The following DEAF1 variants were observed in gnomAD, a reference collection of about 807,000 sequenced individuals.
DEAF1 encodes deformed epidermal autoregulatory factor 1 homolog.
DEAF1 carries 53 observed loss-of-function variants against 58.9 expected under a neutral mutation model. That is an observed-to-expected ratio of 0.90 (90% confidence interval 0.72 to 1.13). The LOEUF (loss-of-function observed/expected upper bound fraction) is 1.13. Among genes scored for constraint, DEAF1 ranks in the 50% most tolerant of loss-of-function variants. The pLI, the probability that DEAF1 is intolerant of heterozygous loss-of-function variation, is 0.00. For missense variants in DEAF1, 685 were observed against 791.4 expected (o/e 0.87, Z 1.61); for synonymous variants, 385 against 340.4 (o/e 1.13, Z -1.44).
rs1428805964 is a variant in DEAF1 at position 688,480 on chromosome 11, C to CGTCAG, written c.388-25_388-21dup. On this transcript the variant is annotated intron_variant, in intron 2 of 11. Coordinates refer to ENST00000382409, the MANE Select transcript of DEAF1 (RefSeq NM_021008.4). This position sits in a 1 kb window ranked among gnomAD's most constrained non-coding sequence, Gnocchi z 4.3. ...ACCAGACTAGAAGGAAAAACCGCTC[C>CGTCAG]GTCAGGTCACGTCCGAGAGTGACAC... 1 of 1,613,110 alleles carries CGTCAG rather than the reference C, an allele frequency of 6.2e-7. No homozygotes were observed. The highest frequency in any genetic ancestry group is 8.5e-7 in the Non-Finnish European group (1 of 1,179,976).
chr11:675,522 C>G (rs1425743607), intron 9 of DEAF1, among the ~76,000 whole-genome samples: 1 of 151,912 alleles, frequency 6.6e-6, no homozygotes, highest in Non-Finnish European at 1.5e-5. Flanking sequence ...TAATGAGACC[C>G]TGTCTCAAAA....
chr11:696,249 C>A (rs936666469), upstream of DEAF1, among the ~76,000 whole-genome samples: 2 of 152,132 alleles, frequency 1.3e-5, no homozygotes, highest in African/African-American at 4.8e-5. Context: ...AGAGACTCGC[C>A]TCCGAGAGGA....
At position 656,800 on chromosome 11, in the gene DEAF1, C is replaced by T. The variant is rs921466394; in HGVS notation, c.1504-2749G>A. On this transcript the variant is annotated intron_variant, in intron 10 of 11. Coordinates refer to ENST00000382409, the MANE Select transcript of DEAF1 (RefSeq NM_021008.4). ...GAAGCCTGTCCTGTTGCCTCGCAGG[C>T]GCCTCTTCAGCCTCAGCTGGGACTT... Among the ~76,000 whole-genome samples, 8 of 152,216 alleles carry T rather than the reference C, an allele frequency of 5.3e-5. No individual in the cohort carries two copies. In the South Asian group the frequency reaches 6.2e-4, roughly 12 times the overall value.
intron 1 of DEAF1, among the ~76,000 whole-genome samples, chr11:691,923 G>A (rs143017088): frequency 8.5e-5 from 13 of 152,160 alleles, no homozygotes; most frequent in South Asian, 4.2e-4. Context: ...CTCCTTCTGC[G>A]GCACAGCTGT....
At position 694,869 on chromosome 11, in the gene DEAF1, G is replaced by A; in HGVS notation, c.179C>T (p.Thr60Met). 1.3e-6 allele frequency: 2 copies of A among 1,500,726 alleles called. No homozygotes were observed. Among genetic ancestry groups the A allele is most frequent in the Non-Finnish European group, 1.8e-6 (2 of 1,129,942 alleles). The allele number at this position is 1,500,726 out of a possible 1,614,324, so 93.0% of individuals were successfully genotyped here. Residue 60 changes from threonine (T) to methionine (M), a missense_variant, in exon 1 of 12, where the codon ACG becomes ATG. Physicochemically the swap from Thr to Met is moderately conservative, Grantham distance 81 (BLOSUM62 -1). Around this residue, in one of 3 missense-constraint regions of DEAF1, gnomAD observed 210 missense variants for 177.3 expected, o/e 1.18. Transcript: ENST00000382409. Reference sequence around the variant, plus strand: ...CACCGCCACTGCCGTGACCCGCGGCGTCTCCCGCTCCGCCTCCGAGTCTGC... The same window carrying A: ...CACCGCCACTGCCGTGACCCGCGGCATCTCCCGCTCCGCCTCCGAGTCTGC... ...EDADSEAERE[T>M]PRVTAVAVMA...
At chr11:672,912 G>A (rs1030853474) in intron 10 of DEAF1, among the ~76,000 whole-genome samples, 1 of 151,710 alleles carries the variant, frequency 6.6e-6, no homozygotes. Context: ...ACTTTAAGAC[G>A]CTCAGGCGGG....
intron 11 of DEAF1, among the ~76,000 whole-genome samples, chr11:650,003 C>T (rs548832395): frequency 4.6e-5 from 7 of 151,058 alleles, no homozygotes; most frequent in East Asian, 2.0e-4. Context: ...TCCAGCCTGG[C>T]GACAGAGTGA....
chr11:681,658 C>T (rs1191733447), intron 6 of DEAF1, among the ~76,000 whole-genome samples: 2 of 152,074 alleles, frequency 1.3e-5, no homozygotes, highest in South Asian at 4.1e-4. Context: ...GATCTGCCCA[C>T]CTCGGCCTCC....
At chr11:652,971 C>T (rs574449865) in intron 11 of DEAF1, among the ~76,000 whole-genome samples, 5 of 149,956 alleles carry the variant, frequency 3.3e-5, no homozygotes, top group Non-Finnish European at 5.9e-5. Flanking sequence ...GTAATCCCAG[C>T]TACTCGGGAG....
In DEAF1 at chr11:654,966, C is replaced by T. The variant is rs369253384; in HGVS notation, c.1504-915G>A. On this transcript the variant is annotated intron_variant, in intron 10 of 11. Coordinates refer to ENST00000382409, the MANE Select transcript of DEAF1 (RefSeq NM_021008.4). ...TGGGCGGATCACGAAGTTAGGAGAT[C>T]GAGACCATCCTGGCTAACACGGTGA... Among the ~76,000 whole-genome samples the T allele has an allele frequency of 1.5e-4, 23 of 151,462 alleles. 2 individuals carry two copies. Among genetic ancestry groups the T allele is most frequent in the African/African-American group, 4.9e-4 (20 of 40,918 alleles).
rs1232046586 is a variant in DEAF1 at position 694,796 on chromosome 11, G to C, written c.252C>G (p.Pro84=). 2 of 1,390,782 alleles carry C rather than the reference G, an allele frequency of 1.4e-6. No individual in the cohort carries two copies. The highest frequency in any genetic ancestry group is 9.3e-7 in the Non-Finnish European group (1 of 1,073,502). 86.2% of individuals were successfully genotyped at this position (1,390,782 alleles called of 1,614,324 possible). A position where few individuals can be genotyped will look rare whatever the true frequency, so the allele number is the denominator to read the frequency against. The change falls in exon 1 of 12, where the codon CCC becomes CCG. Residue 84 remains proline, a synonymous_variant. Coordinates refer to ENST00000382409, the MANE Select transcript of DEAF1 (RefSeq NM_021008.4). ...GHMDMGAEAL[P]GPDEAAAAAA... ...CGGCAGCGGCGGCCTCGTCGGGGCC[G>C]GGCAGGGCCTCGGCGCCCATGTCCA...
chr11:691,350 CCT>C, intron 2 of DEAF1, 149 bp downstream of exon 2: 1 of 728,842 alleles, frequency 1.4e-6, no homozygotes, highest in Non-Finnish European at 2.3e-6. Context: ...AGCCCGAAGG[CCT>C]CTGAGAGCAG....
At chr11:681,488 G>A (rs60750697) in intron 6 of DEAF1, among the ~76,000 whole-genome samples, 1 of 149,994 alleles carries the variant, frequency 6.7e-6, no homozygotes, top group East Asian at 2.0e-4. Flanking sequence ...TGGGCTCACT[G>A]CAAGCTCTGC....
intron 10 of DEAF1, among the ~76,000 whole-genome samples, chr11:666,779 T>G (rs143716102): frequency 9.4e-4 from 132 of 140,210 alleles, no homozygotes; most frequent in African/African-American, 3.4e-3. Context: ...CTTGGAAGGC[T>G]GAGGCAAGAG....
At chr11:669,047 G>A (rs1197850646) in intron 10 of DEAF1, among the ~76,000 whole-genome samples, 4 of 151,288 alleles carry the variant, frequency 2.6e-5, no homozygotes, top group Admixed American at 2.0e-4. Context: ...GGATGGTCTC[G>A]ACCTCCTGAC....
At chr11:686,739 G>A in intron 5 of DEAF1, 119 bp downstream of exon 5, 3 of 1,351,048 alleles carry the variant, frequency 2.2e-6, no homozygotes, top group South Asian at 1.2e-5. Flanking sequence ...GACAGCAGGT[G>A]GAGGCTGCAA....
At position 648,385 on chromosome 11, in the gene DEAF1, C is replaced by T. The variant is rs1023385772; in HGVS notation, c.1594-3731G>A. On this transcript the variant is annotated intron_variant, in intron 11 of 11. Coordinates refer to ENST00000382409, the MANE Select transcript of DEAF1 (RefSeq NM_021008.4). ...AATTTTTTTGTATTTTTAGTAGAGA[C>T]GGGGTTTCACCATGTTAGCCAGGAT... Among the ~76,000 whole-genome samples, 114 of 152,080 alleles carry T rather than the reference C, an allele frequency of 7.5e-4. 1 individual carries two copies. The highest frequency in any genetic ancestry group is 3.4e-3 in the Middle Eastern group (1 of 294).
At chr11:653,245 G>GT (rs1564924525) in intron 11 of DEAF1, among the ~76,000 whole-genome samples, 3 of 140,500 alleles carry the variant, frequency 2.1e-5, no homozygotes, top group Non-Finnish European at 4.6e-5. Flanking sequence ...AACTGTGGAC[G>GT]CTGTCTCTCG....
rs184217018 is a variant in DEAF1, at chr11:701,563, A to G, written c.-438+5009T>C. Among the ~76,000 whole-genome samples, 983 of 151,994 alleles carry G rather than the reference A, an allele frequency of 6.5e-3. 7 individuals are homozygous for G. Among genetic ancestry groups the G allele is most frequent in the African/African-American group, 0.022 (928 of 41,454 alleles). On this transcript the variant is annotated intron_variant, in intron 1 of 11. Transcript: ENST00000683307. Reference sequence around the variant, plus strand: ...GTAACTGGGACTACAGGTGCCCGCCACCACGCCCGGCTCATTTTTGTATTT... The same window carrying G: ...GTAACTGGGACTACAGGTGCCCGCCGCCACGCCCGGCTCATTTTTGTATTT...
Sources: allele counts gnomAD v4.1 joint callset (sites outside exome capture counted in the v4.1 genomes callset), GRCh38; gene constraint gnomAD v4.1.1; regional missense constraint gnomAD v4.1.1; non-coding constraint Gnocchi (gnomAD v3.1); transcripts MANE v1.5; gene names NCBI Gene and HGNC (gene_info 2026-07-23, HGNC 2026-07-21).